TERF2: variants seen among roughly 807,000 people sequenced by gnomAD.
TERF2 encodes the protein telomeric repeat binding factor 2.
Under a neutral mutation model 56.1 loss-of-function variants are expected in TERF2, and 16 were observed. That is an observed-to-expected ratio of 0.29 (90% confidence interval 0.19 to 0.43). TERF2 has a LOEUF of 0.43. TERF2 is among the 20% of genes least tolerant of loss of function. TERF2 has a pLI of 1.00. For synonymous variants in TERF2, 296 were observed against 282.1 expected, an observed-to-expected ratio of 1.05 and a Z score of -0.50; for missense variants, 547 against 712.9, an observed-to-expected ratio of 0.77 and a Z score of 2.65.
intron 3 of TERF2, among the ~76,000 whole-genome samples, chr16:69,379,686 T>G (rs2013922885): frequency 6.6e-6 from 1 of 152,168 alleles, no homozygotes; most frequent in African/African-American, 2.4e-5. Context: ...TCAGAAAATT[T>G]TAAATATTTA....
At chr16:69,359,325 C>T (rs1334864776) in intron 8 of TERF2, among the ~76,000 whole-genome samples, 2 of 151,922 alleles carry the variant, frequency 1.3e-5, no homozygotes, top group Admixed American at 6.6e-5. Flanking sequence ...GTCAGGAGTT[C>T]GAGACTAGTC....
chr16:69,357,632 G>T, intron 8 of TERF2, 71 bp from the exon 9 acceptor site: 1 of 1,562,768 alleles, frequency 6.4e-7, no homozygotes, highest in Non-Finnish European at 8.7e-7. Flanking sequence ...AAAAAGACAT[G>T]GAATGTCCCC....
Position 69,368,495 on chromosome 16 carries a change from G to A in TERF2, c.841-13C>T. 2 of 1,613,896 alleles carry A rather than the reference G, an allele frequency of 1.2e-6. No individual in the cohort carries two copies. Among genetic ancestry groups the A allele is most frequent in the South Asian group, 1.1e-5 (1 of 91,022 alleles). ...CCTTTTTGGCCATCTGGGAAAGGAA[G>A]GATGTCATCAGGAAGAAGAGGCCAC... On this transcript the variant is annotated splice_polypyrimidine_tract_variant and intron_variant, in intron 5 of 9. Coordinates refer to ENST00000254942, the MANE Select transcript of TERF2 (RefSeq NM_005652.5).
At chr16:69,370,241 G>A (rs1567449308) in intron 5 of TERF2, 1 of 488,134 alleles carries the variant, frequency 2.0e-6, no homozygotes, top group Non-Finnish European at 3.6e-6. Flanking sequence ...ATGTTGCTCA[G>A]GCAGGTCTCG....
chr16:69,369,676 C>T (rs2013490617), intron 5 of TERF2, among the ~76,000 whole-genome samples: 1 of 152,342 alleles, frequency 6.6e-6, no homozygotes, highest in South Asian at 2.1e-4. Flanking sequence ...CTATGACAGC[C>T]TGGGTCTAGT....
intron 3 of TERF2, among the ~76,000 whole-genome samples, chr16:69,373,577 A>G (rs551416885): frequency 6.6e-6 from 1 of 152,282 alleles, no homozygotes; most frequent in South Asian, 2.1e-4. Context: ...GTACAACTGT[A>G]TTCCCACACT....
intron 2 of TERF2, 156 bp from the exon 3 acceptor site, chr16:69,384,866 C>T: frequency 1.6e-6 from 1 of 631,770 alleles, no homozygotes; most frequent in South Asian, 4.3e-5. Context: ...TTGACATACA[C>T]GATAAGGGTC....
chr16:69,358,934 C>T (rs191311145), intron 8 of TERF2, among the ~76,000 whole-genome samples: 5 of 152,180 alleles, frequency 3.3e-5, no homozygotes, highest in African/African-American at 4.8e-5. Context: ...CCTATTTTTC[C>T]GCTACAAACC....
rs758021786 is a variant in TERF2, at chr16:69,366,999, G to A, written c.1148C>T (p.Pro383Leu). ...PRKDENESSA[P>L]ADGEGGSELQ... ...TTCCGAGCCACCCTCACCGTCAGCC[G>A]GGGCTGAACTTTCGTTTTCATCTTT... Residue 383 changes from proline (P) to leucine (L), a missense_variant, in exon 7 of 10, where the codon CCG becomes CTG. Physicochemically the swap from Pro to Leu is moderately conservative, Grantham distance 98. Coordinates refer to ENST00000254942, the MANE Select transcript of TERF2 (RefSeq NM_005652.5). The A allele has an allele frequency of 4.0e-5, 65 of 1,614,092 alleles. No individual in the cohort carries two copies. The highest frequency in any genetic ancestry group is 5.0e-5 in the Non-Finnish European group (59 of 1,180,050).
At chr16:69,363,565 G>A (rs1567445037) in intron 7 of TERF2, among the ~76,000 whole-genome samples, 1 of 152,174 alleles carries the variant, frequency 6.6e-6, no homozygotes, top group Non-Finnish European at 1.5e-5. Flanking sequence ...AACATGAAGA[G>A]CAATGGTCTA....
At position 69,370,014 on chromosome 16, in the gene TERF2, T is replaced by A. The variant is rs76542352; in HGVS notation, c.840+469A>T. On this transcript the variant is annotated intron_variant, in intron 5 of 9. Transcript: ENST00000254942. Reference sequence around the variant, plus strand: ...TGTGTTCCATTTGCCTCTGCCAGTATCTCTGCTTTTGTATTATTTATTTAT... The same window carrying A: ...TGTGTTCCATTTGCCTCTGCCAGTAACTCTGCTTTTGTATTATTTATTTAT... 4.9e-3 allele frequency among the ~76,000 whole-genome samples: 748 copies of A among 152,304 alleles called. 4 individuals are homozygous for A. The highest frequency in any genetic ancestry group is 0.018 in the African/African-American group (730 of 41,570).
rs1381695599 is a variant in TERF2 at position 69,356,130 on chromosome 16, T to A, written c.*768A>T. 2 of 442,854 alleles carry A rather than the reference T, an allele frequency of 4.5e-6. No individual in the cohort carries two copies. The highest frequency in any genetic ancestry group is 4.0e-5 in the African/African-American group (2 of 49,578). 27.4% of individuals were successfully genotyped at this position (442,854 alleles called of 1,614,324 possible). A position where few individuals can be genotyped will look rare whatever the true frequency, so the allele number is the denominator to read the frequency against. ...CTGGTCTGTCATCAACCTGGGTTCA[T>A]AACAGACTAAGTTCCTTTGCATTTG... On this transcript the variant is annotated 3_prime_UTR_variant, in exon 10 of 10. Transcript: ENST00000254942.
intron 2 of TERF2, among the ~76,000 whole-genome samples, chr16:69,385,055 A>T (rs1466476321): frequency 6.6e-6 from 1 of 152,202 alleles, no homozygotes; most frequent in Admixed American, 6.5e-5. Flanking sequence ...TTCAGAGGGG[A>T]AAAATGTCAG....
At chr16:69,375,437 G>A (rs1445453817) in intron 3 of TERF2, among the ~76,000 whole-genome samples, 2 of 152,156 alleles carry the variant, frequency 1.3e-5, no homozygotes, top group East Asian at 1.9e-4. Flanking sequence ...GGTGGCTCAC[G>A]CCTGTAATCT....
intron 6 of TERF2, among the ~76,000 whole-genome samples, chr16:69,367,404 T>C (rs1194160468): frequency 2.0e-5 from 3 of 152,112 alleles, no homozygotes; most frequent in Non-Finnish European, 2.9e-5. Flanking sequence ...AGGGTCTGGG[T>C]CTGTCCTAGA....
At chr16:69,371,500 CAAAAAAA>C (rs778947462) in intron 4 of TERF2, among the ~76,000 whole-genome samples, 1 of 42,052 alleles carries the variant, frequency 2.4e-5, no homozygotes, top group African/African-American at 9.6e-5. Flanking sequence ...GACTCCATCT[CAAAAAAA>C]AAAAAAAAAA....
intron 9 of TERF2, 136 bp downstream of exon 9, chr16:69,357,382 T>G (rs1167338665): frequency 1.4e-6 from 1 of 721,446 alleles, no homozygotes; most frequent in African/African-American, 1.8e-5. Flanking sequence ...TACTTTAACT[T>G]AGTTTGGATT....
At chr16:69,361,356 G>C in intron 8 of TERF2, 48 bp downstream of exon 8, 2 of 1,329,852 alleles carry the variant, frequency 1.5e-6, no homozygotes, top group Non-Finnish European at 2.2e-6. Context: ...ACACGCATCT[G>C]TACTTCAGCA....
chr16:69,369,691 C>T (rs1290873986), intron 5 of TERF2, among the ~76,000 whole-genome samples: 1 of 152,216 alleles, frequency 6.6e-6, no homozygotes, highest in Non-Finnish European at 1.5e-5. Context: ...TCTAGTTCTT[C>T]CCTATGCTGT....
Sources: allele counts gnomAD v4.1 joint callset (sites outside exome capture counted in the v4.1 genomes callset), GRCh38; gene constraint gnomAD v4.1.1; transcripts MANE v1.5; gene names NCBI Gene and HGNC (gene_info 2026-07-23, HGNC 2026-07-21).